The following JAM2 variants were observed in gnomAD, a reference collection of about 807,000 sequenced individuals.
The protein encoded by JAM2 is junctional adhesion molecule B.
Under a neutral mutation model 42.0 loss-of-function variants are expected in JAM2, and 17 were observed. That is an observed-to-expected ratio of 0.40 (90% confidence interval 0.28 to 0.61). The LOEUF is 0.61. JAM2 is among the 20% of genes least tolerant of loss of function. The probability of loss-of-function intolerance (pLI) is 0.37; values close to 1 mark genes in which losing one functional copy is unlikely to be tolerated. For missense variants in JAM2, 319 were observed against 358.3 expected, an observed-to-expected ratio of 0.89 and a Z score of 0.89; for synonymous variants, 118 against 128.6, an observed-to-expected ratio of 0.92 and a Z score of 0.56.
intron 1 of JAM2, among the ~76,000 whole-genome samples, chr21:25,671,044 A>G (rs1006571998): frequency 2.6e-5 from 4 of 152,228 alleles, no homozygotes; most frequent in African/African-American, 9.6e-5. Context: ...TTCCAGCAGG[A>G]AAGTTGAAAA....
chr21:25,680,210 G>T (rs2033596806), intron 1 of JAM2, among the ~76,000 whole-genome samples: 1 of 152,160 alleles, frequency 6.6e-6, no homozygotes, highest in African/African-American at 2.4e-5. Context: ...TTAAATGTTT[G>T]CCTAAATTGT....
intron 1 of JAM2, among the ~76,000 whole-genome samples, chr21:25,667,841 A>G (rs1407777198): frequency 6.6e-6 from 1 of 152,238 alleles, no homozygotes; most frequent in Non-Finnish European, 1.5e-5. Flanking sequence ...AAACACATAT[A>G]TAATGCATTA....
chr21:25,649,194 T>C (rs2032699556), intron 1 of JAM2, among the ~76,000 whole-genome samples: 1 of 152,198 alleles, frequency 6.6e-6, no homozygotes, highest in East Asian at 1.9e-4. Flanking sequence ...TTGCTTAATC[T>C]AGACTAGAAC....
chr21:25,674,774 C>G (rs1343303606), intron 1 of JAM2, among the ~76,000 whole-genome samples: 2 of 151,262 alleles, frequency 1.3e-5, no homozygotes, highest in Non-Finnish European at 2.9e-5. Flanking sequence ...CCCCTACTCT[C>G]TAAATCTAGT....
intron 1 of JAM2, among the ~76,000 whole-genome samples, chr21:25,670,300 G>A (rs538730032): frequency 7.0e-4 from 107 of 152,076 alleles, no homozygotes; most frequent in South Asian, 1.5e-3. Context: ...CCTGGGCAAC[G>A]TAAAGAGACC....
In JAM2 at chr21:25,689,964, A is replaced by C; in HGVS notation, c.232A>C (p.Thr78Pro). The C allele has an allele frequency of 6.2e-7, 1 of 1,601,768 alleles. No individual in the cohort carries two copies. Among genetic ancestry groups the C allele is most frequent in the Non-Finnish European group, 8.6e-7 (1 of 1,169,074 alleles). ...TGTCTCCTTTGTCTACTATCAACAG[A>C]CTCTTCAAGGTAAGCAGCTGTAGGC... ...RSVSFVYYQQ[T>P]LQGDFKNRAE... The change falls in exon 3 of 10, where the codon ACT becomes CCT. Residue 78 changes from threonine (T) to proline (P), a missense_variant. Transcript: ENST00000480456.
chr21:25,663,097 G>A (rs2033132004), intron 1 of JAM2, among the ~76,000 whole-genome samples: 2 of 152,146 alleles, frequency 1.3e-5, no homozygotes, highest in African/African-American at 4.8e-5. Context: ...GGGGAGTGTT[G>A]GAGAGAGGGG....
At chr21:25,689,817 A>G in intron 2 of JAM2, 49 bp from the exon 3 acceptor site, 2 of 1,218,892 alleles carry the variant, frequency 1.6e-6, no homozygotes, top group Non-Finnish European at 2.4e-6. Flanking sequence ...AGTAAAATAT[A>G]AATTCATGGG....
At chr21:25,665,821 A>G (rs567063760) in intron 1 of JAM2, among the ~76,000 whole-genome samples, 27 of 152,212 alleles carry the variant, frequency 1.8e-4, no homozygotes, top group African/African-American at 6.3e-4. Flanking sequence ...CGGGTGGATT[A>G]CTTGAGGTCA....
intron 8 of JAM2, 84 bp from the exon 9 acceptor site, chr21:25,712,256 A>G (rs1214798460): frequency 1.1e-6 from 1 of 905,472 alleles, no homozygotes. Context: ...AAATGTATGG[A>G]AGTAAAATTA....
intron 4 of JAM2, among the ~76,000 whole-genome samples, chr21:25,697,766 G>T (rs1036983399): frequency 2.0e-5 from 3 of 152,200 alleles, no homozygotes; most frequent in East Asian, 3.9e-4. Flanking sequence ...TTAGCTGGTC[G>T]TGGTGGCTCG....
chr21:25,698,946 A>G lies in JAM2; in HGVS notation c.597+67A>G, dbSNP rs1601054099. On this transcript the variant is annotated intron_variant, in intron 5 of 9. Coordinates refer to ENST00000480456, the MANE Select transcript of JAM2 (RefSeq NM_021219.4). Reference sequence around the variant, plus strand: ...TTGGATAAAAAAATTATTAGAACTTAAGATGACGTTTAATAGAGAGCTGAT... The same window carrying G: ...TTGGATAAAAAAATTATTAGAACTTGAGATGACGTTTAATAGAGAGCTGAT... 6 of 1,394,654 alleles carry G rather than the reference A, an allele frequency of 4.3e-6. No homozygotes were observed. In the East Asian group the frequency reaches 6.9e-5, roughly 16 times the overall value. The allele number at this position is 1,394,654 out of a possible 1,614,324, so 86.4% of individuals were successfully genotyped here.
intron 7 of JAM2, among the ~76,000 whole-genome samples, chr21:25,708,062 G>A (rs932959015): frequency 6.6e-6 from 1 of 151,890 alleles, no homozygotes; most frequent in South Asian, 2.1e-4. Flanking sequence ...TGTTCAGGCT[G>A]GTATTGAACT....
chr21:25,686,197 C>A (rs1463705907), intron 2 of JAM2, among the ~76,000 whole-genome samples: 1 of 152,066 alleles, frequency 6.6e-6, no homozygotes, highest in Non-Finnish European at 1.5e-5. Flanking sequence ...ATAGAAAATC[C>A]TTCCATAATG....
intron 2 of JAM2, among the ~76,000 whole-genome samples, chr21:25,686,887 CAT>C (rs1389961143): frequency 6.6e-6 from 1 of 152,128 alleles, no homozygotes; most frequent in Non-Finnish European, 1.5e-5. Context: ...TATTTTGCCA[CAT>C]GTTGTTGCTA....
chr21:25,701,723 A>G (rs1319556890), intron 5 of JAM2, among the ~76,000 whole-genome samples: 5 of 152,202 alleles, frequency 3.3e-5, no homozygotes, highest in Non-Finnish European at 7.3e-5. Flanking sequence ...GGCTCTTTAA[A>G]GGAAGTGTTT....
At chr21:25,688,099 G>A (rs1383793063) in intron 2 of JAM2, among the ~76,000 whole-genome samples, 1 of 152,184 alleles carries the variant, frequency 6.6e-6, no homozygotes. Context: ...ACCATTTCTC[G>A]ACATTTTACA....
chr21:25,699,639 C>T (rs2034120191), intron 5 of JAM2, among the ~76,000 whole-genome samples: 1 of 137,796 alleles, frequency 7.3e-6, no homozygotes, highest in African/African-American at 2.7e-5. Flanking sequence ...AGGAGAATGG[C>T]GTGAACCCGG....
chr21:25,683,549 G>A (rs60868628), intron 1 of JAM2, among the ~76,000 whole-genome samples: 3,362 of 152,096 alleles, frequency 0.022, 127 homozygotes, highest in African/African-American at 0.077. Context: ...GGGCAATACC[G>A]TGTGACACTA....
Sources: gnomAD v4.1 joint callset for allele counts (sites outside exome capture counted in the v4.1 genomes callset) on GRCh38, gnomAD v4.1.1 for gene constraint, MANE v1.5 for transcripts, NCBI Gene and HGNC (gene_info 2026-07-23, HGNC 2026-07-21) for gene names.